RUNX1: variants seen among roughly 807,000 people sequenced by gnomAD.
RUNX1 encodes runt-related transcription factor 1.
Under a neutral mutation model 42.8 loss-of-function variants are expected in RUNX1, and 19 were observed. The ratio of observed to expected loss-of-function variants is 0.44; its 90% CI spans 0.31 to 0.65. The LOEUF (loss-of-function observed/expected upper bound fraction) is 0.65. RUNX1 is among the 30% of genes least tolerant of loss of function. RUNX1 has a pLI of 0.07. For missense variants in RUNX1, 528 were observed against 672.0 expected (o/e 0.79, Z 2.37); for synonymous variants, 271 against 289.4 (o/e 0.94, Z 0.64).
chr21:34,917,171 T>C (rs1306909301), intron 2 of RUNX1, among the ~76,000 whole-genome samples: 3 of 152,070 alleles, frequency 2.0e-5, no homozygotes, highest in Admixed American at 2.0e-4. Flanking sequence ...ATGCTTCAGG[T>C]AGAGCCTGAG....
At position 34,788,789 on chromosome 21, in the gene RUNX1, A is replaced by G. The variant is rs993266011; in HGVS notation, c.*3346T>C. On this transcript the variant is annotated 3_prime_UTR_variant, in exon 9 of 9. Transcript: ENST00000675419. ...GTAAACAAAAAGGCATTTTGTTCAG[A>G]TGTAAAATATGTTTTGTGAGATTAT... The G allele has an allele frequency of 4.3e-6, 1 of 233,534 alleles. No homozygotes were observed. Among genetic ancestry groups the G allele is most frequent in the Admixed American group, 5.6e-5 (1 of 17,782 alleles). The allele number at this position is 233,534 out of a possible 1,614,324, so 14.5% of individuals were successfully genotyped here. A position where few individuals can be genotyped will look rare whatever the true frequency, so the allele number is the denominator to read the frequency against.
At chr21:34,926,914 T>C (rs148287180) in intron 2 of RUNX1, among the ~76,000 whole-genome samples, 2 of 152,174 alleles carry the variant, frequency 1.3e-5, no homozygotes, top group Non-Finnish European at 2.9e-5. Flanking sequence ...GAGCTGCAGA[T>C]AGTGTCTACA....
chr21:35,014,674 G>A (rs1235730400), intron 2 of RUNX1, among the ~76,000 whole-genome samples: 1 of 152,226 alleles, frequency 6.6e-6, no homozygotes, highest in African/African-American at 2.4e-5. Flanking sequence ...TTTGGTAACA[G>A]CAACCCATGT....
At chr21:34,971,292 A>G (rs2058761942) in intron 2 of RUNX1, among the ~76,000 whole-genome samples, 1 of 152,208 alleles carries the variant, frequency 6.6e-6, no homozygotes, top group African/African-American at 2.4e-5. Context: ...ATAGCATGTA[A>G]CTTAAAATTT....
chr21:34,922,297 G>C (rs2058360039), intron 2 of RUNX1, among the ~76,000 whole-genome samples: 1 of 152,130 alleles, frequency 6.6e-6, no homozygotes, highest in African/African-American at 2.4e-5. Context: ...GGAGAGACCA[G>C]AACTGAAGAG....
chr21:34,833,726 C>G (rs1342582802), intron 7 of RUNX1: 1 of 166,516 alleles, frequency 6.0e-6, no homozygotes, highest in Non-Finnish European at 1.3e-5. Flanking sequence ...TATCACAGAG[C>G]AAACAGTCAT....
chr21:34,987,376 G>C (rs78467249), intron 2 of RUNX1, among the ~76,000 whole-genome samples: 28 of 152,232 alleles, frequency 1.8e-4, no homozygotes, highest in Non-Finnish European at 3.2e-4. Context: ...AGAGATCTTC[G>C]GGGCTCCAGA....
chr21:35,017,240 T>C (rs1034366299), intron 2 of RUNX1, among the ~76,000 whole-genome samples: 2 of 152,184 alleles, frequency 1.3e-5, no homozygotes, highest in Non-Finnish European at 2.9e-5. Flanking sequence ...GACTTCAATA[T>C]GCAAAGTCTT....
chr21:34,924,000 A>T (rs1191445844), intron 2 of RUNX1, among the ~76,000 whole-genome samples: 1 of 152,102 alleles, frequency 6.6e-6, no homozygotes. Context: ...CCCCCTCTTG[A>T]ATCTAATGCT....
Position 34,887,042 on chromosome 21 carries a change from T to C in RUNX1, c.152A>G (p.Lys51Arg). 6.2e-7 allele frequency: 1 copy of C among 1,601,240 alleles called. No individual in the cohort carries two copies. Among genetic ancestry groups the C allele is most frequent in the Non-Finnish European group, 8.5e-7 (1 of 1,179,714 alleles). ...GCCCAGCGGCAACGCCTCGCTCATCTTGCCTGGGCTCAGCGCGGTGGAAGG... is the reference window on the plus strand; with the variant it reads ...GCCCAGCGGCAACGCCTCGCTCATCCTGCCTGGGCTCAGCGCGGTGGAAGG... ...TPPSTALSPGKMSEALPLGAP... is the reference protein window; with the variant it reads ...TPPSTALSPGRMSEALPLGAP... Residue 51 changes from lysine to arginine, a missense_variant, in exon 4 of 9, where the codon AAG becomes AGG. By Grantham distance (26) the Lys-to-Arg change is conservative. This residue lies in a region of RUNX1 where 114 missense variants were observed against 115.0 expected (regional missense o/e 0.99). Coordinates refer to ENST00000675419, the MANE Select transcript of RUNX1 (RefSeq NM_001754.5).
chr21:35,026,025 A>C (rs888889873), intron 2 of RUNX1, among the ~76,000 whole-genome samples: 1 of 152,060 alleles, frequency 6.6e-6, no homozygotes, highest in African/African-American at 2.4e-5. Context: ...ACAATGATGG[A>C]GACTTTCTGG....
chr21:34,808,274 G>A (rs1036745418), intron 7 of RUNX1, among the ~76,000 whole-genome samples: 5 of 152,192 alleles, frequency 3.3e-5, no homozygotes, highest in African/African-American at 9.7e-5. Flanking sequence ...AGACCAAGCC[G>A]GGGCAGAACC....
intron 2 of RUNX1, among the ~76,000 whole-genome samples, chr21:35,007,828 G>A (rs1055877743): frequency 1.3e-5 from 2 of 152,100 alleles, no homozygotes; most frequent in African/African-American, 4.8e-5. Flanking sequence ...AAACGCCGAT[G>A]AGATCCTTTT....
At chr21:34,893,786 A>T (rs934761609) in intron 2 of RUNX1, among the ~76,000 whole-genome samples, 163 of 151,602 alleles carry the variant, frequency 1.1e-3, no homozygotes, top group Non-Finnish European at 2.0e-3. Context: ...TTTTTTTTAA[A>T]AAAAAACCTT....
chr21:35,033,198 T>A (rs2059285508), intron 2 of RUNX1, among the ~76,000 whole-genome samples: 1 of 152,206 alleles, frequency 6.6e-6, no homozygotes, highest in Admixed American at 6.5e-5. Context: ...ATTTCTTGAG[T>A]GCCCAAATTC....
intron 2 of RUNX1, among the ~76,000 whole-genome samples, chr21:34,973,814 A>G (rs2058779780): frequency 6.6e-6 from 1 of 152,246 alleles, no homozygotes. Flanking sequence ...AGCATAGCAC[A>G]TGAATGACAC....
intron 5 of RUNX1, among the ~76,000 whole-genome samples, chr21:34,870,728 G>A (rs2057724420): frequency 6.6e-6 from 1 of 152,180 alleles, no homozygotes; most frequent in Non-Finnish European, 1.5e-5. Flanking sequence ...GGGAGGCCGA[G>A]GCAGGCAGAT....
intron 2 of RUNX1, among the ~76,000 whole-genome samples, chr21:34,927,905 C>T (rs1419856677): frequency 3.9e-5 from 6 of 152,192 alleles, no homozygotes; most frequent in Non-Finnish European, 7.3e-5. Flanking sequence ...TCAAAATATA[C>T]TGCACGTTAT....
At chr21:35,028,009 A>G (rs1411915137) in intron 2 of RUNX1, among the ~76,000 whole-genome samples, 1 of 152,228 alleles carries the variant, frequency 6.6e-6, no homozygotes, top group African/African-American at 2.4e-5. Context: ...TCCATGGTAT[A>G]TGAATAAAAT....
Sources: gnomAD v4.1 joint callset for allele counts (sites outside exome capture counted in the v4.1 genomes callset) on GRCh38, gnomAD v4.1.1 for gene constraint, gnomAD v4.1.1 regional missense constraint, MANE v1.5 for transcripts, NCBI Gene and HGNC (gene_info 2026-07-23, HGNC 2026-07-21) for gene names.